Variants in COL5A2 observed in about 807,000 individuals in gnomAD.
The protein encoded by COL5A2 is collagen alpha-2(V) chain.
In COL5A2, 23 loss-of-function variants were observed where a neutral mutation model predicts 208.2. The observed-to-expected ratio is 0.11, with a 90% CI of 0.08 to 0.16. The LOEUF (loss-of-function observed/expected upper bound fraction) is 0.16, where lower values mean the gene tolerates loss of function less well. Among genes scored for constraint, COL5A2 ranks in the 10% least tolerant of loss-of-function variants. The probability of loss-of-function intolerance (pLI) is 1.00; values close to 1 mark genes in which losing one functional copy is unlikely to be tolerated. For missense variants in COL5A2, 1,590 were observed against 1,956.4 expected (o/e 0.81, Z 3.53); for synonymous variants, 625 against 628.5 (o/e 0.99, Z 0.08).
chr2:189,426,467 C>T, the COL5A2 span, among the ~76,000 whole-genome samples: 1 of 152,200 alleles, frequency 6.6e-6, no homozygotes, highest in Non-Finnish European at 1.5e-5. Flanking sequence ...ATCTTTGCTT[C>T]GAGTTTTCCC....
At chr2:189,094,459 C>T (rs1686856922) in intron 6 of COL5A2, among the ~76,000 whole-genome samples, 1 of 151,164 alleles carries the variant, frequency 6.6e-6, no homozygotes, top group Non-Finnish European at 1.5e-5. Flanking sequence ...CAGTAATCTA[C>T]AATAAAAAAG....
chr2:189,264,964 G>C, the COL5A2 span, among the ~76,000 whole-genome samples: 2 of 152,114 alleles, frequency 1.3e-5, no homozygotes, highest in Admixed American at 1.3e-4. Context: ...CAGTGGTATC[G>C]AGGAATATGT....
In COL5A2 at chr2:189,052,931, C is replaced by T. The variant is rs760858324; in HGVS notation, c.2641G>A (p.Ala881Thr). 1.9e-5 allele frequency: 30 copies of T among 1,614,004 alleles called. No individual in the cohort carries two copies. Among genetic ancestry groups the T allele is most frequent in the Non-Finnish European group, 2.5e-5 (29 of 1,180,004 alleles). ...DAGSPGPQGL[A>T]GSPGPHGPNG... ...CTTACATGAGGGCCAGGGGATCCTGCTAAACCTTGTGGTCCAGGAGAACCA... is the reference window on the plus strand; with the variant it reads ...CTTACATGAGGGCCAGGGGATCCTGTTAAACCTTGTGGTCCAGGAGAACCA... Residue 881 changes from alanine to threonine, a missense_variant, in exon 39 of 54, where the codon GCA (alanine) becomes ACA (threonine). Ala to Thr is a moderately conservative substitution (Grantham distance 58). Coordinates refer to ENST00000374866, the MANE Select transcript of COL5A2 (RefSeq NM_000393.5).
At chr2:189,170,082 G>T (rs948607719) in intron 1 of COL5A2, among the ~76,000 whole-genome samples, 1 of 152,112 alleles carries the variant, frequency 6.6e-6, no homozygotes, top group Non-Finnish European at 1.5e-5. Flanking sequence ...ATTATTAGTT[G>T]GGAGTCACTG....
chr2:189,145,492 A>G (rs1038144439), intron 1 of COL5A2, among the ~76,000 whole-genome samples: 2 of 152,178 alleles, frequency 1.3e-5, no homozygotes, highest in African/African-American at 4.8e-5. Context: ...TATCTAATTT[A>G]CAATTATGTA....
At chr2:189,313,057 AT>A in the COL5A2 span, among the ~76,000 whole-genome samples, 1 of 152,100 alleles carries the variant, frequency 6.6e-6, no homozygotes, top group Non-Finnish European at 1.5e-5. Flanking sequence ...CAAGAATTTC[AT>A]ATTGCAATCA....
At chr2:189,241,968 A>C in the COL5A2 span, among the ~76,000 whole-genome samples, 1 of 152,166 alleles carries the variant, frequency 6.6e-6, no homozygotes, top group South Asian at 2.1e-4. Context: ...GTGAGGGTGA[A>C]CATTTGTTCA....
chr2:189,346,048 T>C, the COL5A2 span, among the ~76,000 whole-genome samples: 1 of 152,232 alleles, frequency 6.6e-6, no homozygotes, highest in South Asian at 2.1e-4. Context: ...AGTACATTAA[T>C]ATAATGATGA....
At chr2:189,346,010 C>A in the COL5A2 span, among the ~76,000 whole-genome samples, 1 of 152,186 alleles carries the variant, frequency 6.6e-6, no homozygotes, top group Non-Finnish European at 1.5e-5. Context: ...TTCTCCAACA[C>A]TCTTTTCCAA....
At chr2:189,141,211 C>T (rs963570427) in intron 1 of COL5A2, among the ~76,000 whole-genome samples, 1 of 152,020 alleles carries the variant, frequency 6.6e-6, no homozygotes, top group African/African-American at 2.4e-5. Flanking sequence ...ATATAGTGTG[C>T]AGTAGACCAG....
intron 1 of COL5A2, among the ~76,000 whole-genome samples, chr2:189,185,334 A>AT (rs1688837053): frequency 6.6e-6 from 1 of 152,110 alleles, no homozygotes; most frequent in African/African-American, 2.4e-5. Flanking sequence ...CTAATATGCT[A>AT]TTTTTTAAAA....
intron 1 of COL5A2, among the ~76,000 whole-genome samples, chr2:189,166,512 C>T (rs1467924886): frequency 6.6e-6 from 1 of 152,122 alleles, no homozygotes; most frequent in African/African-American, 2.4e-5. Context: ...CCTGAAGAAA[C>T]TCAAAATCCC....
the COL5A2 span, among the ~76,000 whole-genome samples, chr2:189,289,521 A>T: frequency 6.6e-6 from 1 of 152,140 alleles, no homozygotes; most frequent in Non-Finnish European, 1.5e-5. Context: ...CATAGTACTA[A>T]AAGTTCTAGC....
chr2:189,192,995 G>A (rs986543607), intron 1 of COL5A2, among the ~76,000 whole-genome samples: 5 of 152,206 alleles, frequency 3.3e-5, no homozygotes, highest in African/African-American at 9.7e-5. Context: ...GGACGCATTT[G>A]GTCCTGTTTT....
intron 1 of COL5A2, among the ~76,000 whole-genome samples, chr2:189,126,236 A>G (rs1687605132): frequency 6.6e-6 from 1 of 152,076 alleles, no homozygotes; most frequent in Non-Finnish European, 1.5e-5. Flanking sequence ...ATGATAAAGT[A>G]GCAAAATGCA....
At chr2:189,068,440 A>T (rs1686201576) in intron 19 of COL5A2, among the ~76,000 whole-genome samples, 170 bp from the exon 20 acceptor site, 1 of 152,192 alleles carries the variant, frequency 6.6e-6, no homozygotes, top group Admixed American at 6.5e-5. Context: ...CCTTTACATA[A>T]AATAGGTAAA....
At chr2:189,414,569 CA>C in the COL5A2 span, among the ~76,000 whole-genome samples, 1 of 151,708 alleles carries the variant, frequency 6.6e-6, no homozygotes, top group Non-Finnish European at 1.5e-5. Context: ...GCCAACACGG[CA>C]AAACCCCCGT....
At chr2:189,262,585 T>C in the COL5A2 span, among the ~76,000 whole-genome samples, 152,022 of 152,198 alleles carry the variant, frequency 1, 75,923 homozygotes, top group Middle Eastern at 1. Context: ...GTCTTCTTTA[T>C]AAAAAATATT....
chr2:189,079,010 A>T, intron 15 of COL5A2, 53 bp downstream of exon 15: 3 of 1,362,884 alleles, frequency 2.2e-6, no homozygotes, highest in Non-Finnish European at 3.1e-6. Flanking sequence ...GTAATCTAAA[A>T]GGCAAGGAAA....
Sources: gnomAD v4.1 joint callset for allele counts (sites outside exome capture counted in the v4.1 genomes callset) on GRCh38, gnomAD v4.1.1 for gene constraint, MANE v1.5 for transcripts, NCBI Gene and HGNC (gene_info 2026-07-23, HGNC 2026-07-21) for gene names.